IL17RD: variants seen among roughly 807,000 people sequenced by gnomAD.
The protein encoded by IL17RD is interleukin-17 receptor D.
Under a neutral mutation model 80.5 loss-of-function variants are expected in IL17RD, and 52 were observed. The observed-to-expected ratio is 0.65, with a 90% CI of 0.52 to 0.81. The LOEUF (loss-of-function observed/expected upper bound fraction) is 0.81. Among genes scored for constraint, IL17RD ranks in the 40% least tolerant of loss-of-function variants. IL17RD has a pLI of 0.00. For missense variants in IL17RD, 1,024 were observed against 955.1 expected, an observed-to-expected ratio of 1.07 and a Z score of -0.95; for synonymous variants, 416 against 391.8, an observed-to-expected ratio of 1.06 and a Z score of -0.73.
At position 57,101,281 on chromosome 3, in the gene IL17RD, C is replaced by T. The variant is rs572268742; in HGVS notation, c.1062G>A (p.Pro354=). The T allele has an allele frequency of 1.3e-5, 21 of 1,613,252 alleles. No homozygotes were observed. Among genetic ancestry groups the T allele is most frequent in the African/African-American group, 5.3e-5 (4 of 75,050 alleles). The part of the protein sequence containing the change: ...TAALPRERLR[P]RPKVFLCYSS... ...AATAGCAGAGAAAGACCTTCGGCCG[C>T]GGCCGGAGCCTCTCTCTTGGGAGTG... The change falls in exon 11 of 13, where the codon CCG becomes CCA. Residue 354 remains proline (P), a synonymous_variant. Transcript: ENST00000296318.
Position 57,093,633 on chromosome 3 carries a change from A to C in IL17RD, c.*2760T>G, listed in dbSNP as rs1389096998. On this transcript the variant is annotated 3_prime_UTR_variant, in exon 13 of 13. Coordinates refer to ENST00000296318, the MANE Select transcript of IL17RD (RefSeq NM_017563.5). ...TGGGCCTGGACTGGAATGACTTCTG[A>C]CTCTTTCTGGAGATCAATTGCCTCA... The C allele has an allele frequency of 6.6e-6, 1 of 151,846 alleles. No individual in the cohort carries two copies. The highest frequency in any genetic ancestry group is 1.5e-5 in the Non-Finnish European group (1 of 68,004). The allele number at this position is 151,846 out of a possible 1,614,324, so 9.4% of individuals were successfully genotyped here. A position where few individuals can be genotyped will look rare whatever the true frequency, so the allele number is the denominator to read the frequency against.
Position 57,101,290 on chromosome 3 carries a change from C to A in IL17RD, c.1053G>T (p.Arg351Ser), listed in dbSNP as rs1180678803. ...GAAAGACCTTCGGCCGCGGCCGGAGCCTCTCTCTTGGGAGTGCTGCAGTGT... is the reference window on the plus strand; with the variant it reads ...GAAAGACCTTCGGCCGCGGCCGGAGACTCTCTCTTGGGAGTGCTGCAGTGT... ...STYTAALPRE[R>S]LRPRPKVFLC... The change falls in exon 11 of 13, where the codon AGG (arginine) becomes AGT (serine). Residue 351 changes from arginine to serine, a missense_variant. Physicochemically the swap from Arg to Ser is moderately radical, Grantham distance 110. Coordinates refer to ENST00000296318, the MANE Select transcript of IL17RD (RefSeq NM_017563.5). 6.2e-7 allele frequency: 1 copy of A among 1,612,778 alleles called. No homozygotes were observed. The highest frequency in any genetic ancestry group is 8.5e-7 in the Non-Finnish European group (1 of 1,178,956).
intron 8 of IL17RD, 97 bp from the exon 9 acceptor site, chr3:57,103,242 G>T: frequency 9.4e-7 from 1 of 1,067,910 alleles, no homozygotes. Context: ...TCCATCAGTG[G>T]GCAGTGCGGG....
Position 57,107,100 on chromosome 3 carries a change from C to G in IL17RD, c.551-946G>C, listed in dbSNP as rs557056999. Among the ~76,000 whole-genome samples, 15 of 152,166 alleles carry G rather than the reference C, an allele frequency of 9.9e-5. 1 individual carries two copies. Among genetic ancestry groups the G allele is most frequent in the Admixed American group, 7.2e-4 (11 of 15,288 alleles). ...ATTTTATTTTAAGAATTATGAGGGCCGGGCGCGGTGGCTCATGCCTGTAAT... is the reference window on the plus strand; with the variant it reads ...ATTTTATTTTAAGAATTATGAGGGCGGGGCGCGGTGGCTCATGCCTGTAAT... On this transcript the variant is annotated intron_variant, in intron 5 of 12. Transcript: ENST00000296318.
At position 57,090,023 on chromosome 3, in the gene IL17RD, C is replaced by T. The variant is rs1250064109; in HGVS notation, c.*6370G>A. On this transcript the variant is annotated 3_prime_UTR_variant, in exon 13 of 13. Transcript: ENST00000296318. Reference sequence around the variant, plus strand: ...TATTTAATGCAGAAATTCTAAGGTACAAAAACATTTTGTAAATGTCAGCTG... The same window carrying T: ...TATTTAATGCAGAAATTCTAAGGTATAAAAACATTTTGTAAATGTCAGCTG... 1 of 152,604 alleles carries T rather than the reference C, an allele frequency of 6.6e-6. No individual in the cohort carries two copies. Among genetic ancestry groups the T allele is most frequent in the Non-Finnish European group, 1.5e-5 (1 of 68,032 alleles). The allele number at this position is 152,604 out of a possible 1,614,324, so 9.5% of individuals were successfully genotyped here. A position where few individuals can be genotyped will look rare whatever the true frequency, so the allele number is the denominator to read the frequency against.
At chr3:57,135,585 A>G (rs995906442) in intron 1 of IL17RD, among the ~76,000 whole-genome samples, 2 of 152,234 alleles carry the variant, frequency 1.3e-5, no homozygotes, top group African/African-American at 4.8e-5. Context: ...CCTGCATCAC[A>G]TGGACTGTGA....
chr3:57,134,900 T>G (rs1350727089), intron 1 of IL17RD, among the ~76,000 whole-genome samples: 1 of 151,768 alleles, frequency 6.6e-6, no homozygotes, highest in Non-Finnish European at 1.5e-5. Flanking sequence ...AGCCCCAGAG[T>G]TTCAGACCAG....
chr3:57,140,389 C>T (rs1350260291), intron 1 of IL17RD, among the ~76,000 whole-genome samples: 1 of 152,078 alleles, frequency 6.6e-6, no homozygotes, highest in African/African-American at 2.4e-5. Context: ...TGACAATTTC[C>T]CAGAACTCAA....
Position 57,110,214 on chromosome 3 carries a change from G to A in IL17RD, c.408C>T (p.Leu136=), listed in dbSNP as rs767679342. 3.1e-6 allele frequency: 5 copies of A among 1,602,008 alleles called. No homozygotes were observed. In the South Asian group the frequency reaches 5.7e-5, roughly 18 times the overall value. ...QQLILKDPKQ[L]NSSFKRTGME... ...TTACAGTTCTTTTGAAGCTACTGTTGAGCTGCTTCGGATCCTTTAGAATCA... is the reference window on the plus strand; with the variant it reads ...TTACAGTTCTTTTGAAGCTACTGTTAAGCTGCTTCGGATCCTTTAGAATCA... Residue 136 remains leucine (L), a synonymous_variant, in exon 4 of 13, where the codon CTC becomes CTT. Coordinates refer to ENST00000296318, the MANE Select transcript of IL17RD (RefSeq NM_017563.5).
At chr3:57,139,537 G>A (rs1228399261) in intron 1 of IL17RD, among the ~76,000 whole-genome samples, 1 of 147,108 alleles carries the variant, frequency 6.8e-6, no homozygotes, top group Non-Finnish European at 1.5e-5. Flanking sequence ...TTTTTGAGAC[G>A]GGGTCTTGCT....
Position 57,110,046 on chromosome 3 carries a change from A to G in IL17RD, c.429+147T>C. On this transcript the variant is annotated intron_variant, in intron 4 of 12. Coordinates refer to ENST00000296318, the MANE Select transcript of IL17RD (RefSeq NM_017563.5). ...TTCCCTGGGAGCGTGGAGCAGGCTCAAGGTGCTGCTGTACCATTCTTGCCC... is the reference window on the plus strand; with the variant it reads ...TTCCCTGGGAGCGTGGAGCAGGCTCGAGGTGCTGCTGTACCATTCTTGCCC... The G allele has an allele frequency of 3.7e-6, 3 of 813,112 alleles. No individual in the cohort carries two copies. The South Asian group carries it at 5.3e-5, about 14-fold the overall frequency. 50.4% of individuals were successfully genotyped at this position (813,112 alleles called of 1,614,324 possible).
At chr3:57,117,725 A>G (rs374107847) in intron 2 of IL17RD, among the ~76,000 whole-genome samples, 1 of 152,342 alleles carries the variant, frequency 6.6e-6, no homozygotes, top group South Asian at 2.1e-4. Flanking sequence ...AGACAGAAAT[A>G]TCTTTTTCAA....
intron 1 of IL17RD, among the ~76,000 whole-genome samples, chr3:57,157,868 G>A (rs1416226772): frequency 6.6e-6 from 1 of 152,094 alleles, no homozygotes; most frequent in Non-Finnish European, 1.5e-5. Context: ...ACAGTCCATC[G>A]CAGCACAGAA....
intron 1 of IL17RD, among the ~76,000 whole-genome samples, chr3:57,161,034 C>G (rs78631792): frequency 0.026 from 4,024 of 152,210 alleles, 84 homozygotes; most frequent in South Asian, 0.047. Flanking sequence ...GGGTGGATGG[C>G]TGAGGTTGGG....
chr3:57,122,740 CTTTTTT>C (rs754491969), intron 1 of IL17RD, among the ~76,000 whole-genome samples: 1 of 117,052 alleles, frequency 8.5e-6, no homozygotes, highest in Non-Finnish European at 1.7e-5. Context: ...CCTCAACTGT[CTTTTTT>C]TTTTTTTTTT....
intron 1 of IL17RD, among the ~76,000 whole-genome samples, chr3:57,129,599 G>C (rs890464716): frequency 6.6e-6 from 1 of 152,152 alleles, no homozygotes; most frequent in African/African-American, 2.4e-5. Flanking sequence ...CGTTGCCATG[G>C]GGACCCAGCC....
chr3:57,110,383 T>C, intron 3 of IL17RD, 72 bp from the exon 4 acceptor site: 1 of 1,482,868 alleles, frequency 6.7e-7, no homozygotes, highest in Non-Finnish European at 9.2e-7. Context: ...TCCTCCAAGA[T>C]TACCATCTTC....
intron 11 of IL17RD, 42 bp downstream of exon 11, chr3:57,101,137 G>A (rs1706817198): frequency 1.3e-6 from 2 of 1,548,572 alleles, no homozygotes; most frequent in South Asian, 1.2e-5. Flanking sequence ...TACAGGGCAA[G>A]TGTCCTGGCC....
At chr3:57,103,268 A>G in intron 8 of IL17RD, 123 bp from the exon 9 acceptor site, 1 of 773,630 alleles carries the variant, frequency 1.3e-6, no homozygotes, top group Non-Finnish European at 2.1e-6. Context: ...GTGGGAAGCA[A>G]GCAGTGGAGA....
Sources: allele counts gnomAD v4.1 joint callset (sites outside exome capture counted in the v4.1 genomes callset), GRCh38; gene constraint gnomAD v4.1.1; transcripts MANE v1.5; gene names NCBI Gene and HGNC (gene_info 2026-07-23, HGNC 2026-07-21).